Variants in MARK1 observed in about 807,000 individuals in gnomAD.
MARK1 encodes the protein microtubule affinity regulating kinase 1.
MARK1 carries 40 observed loss-of-function variants against 96.3 expected under a neutral mutation model. The observed-to-expected ratio is 0.42, with a 90% CI of 0.32 to 0.54. MARK1 has a LOEUF of 0.54. MARK1 is among the 20% of genes least tolerant of loss of function. MARK1 has a pLI of 0.16. For synonymous variants in MARK1, 317 were observed against 341.2 expected (o/e 0.93, Z 0.78); for missense variants, 719 against 984.6 (o/e 0.73, Z 3.61).
chr1:220,597,442 G>A lies in MARK1; in HGVS notation c.310-889G>A, dbSNP rs148100432. The stretch of plus-strand genomic sequence containing the variant: ...TAGCAGTCATCCTAATAGGTGTGAG[G>A]TGGTACCTCTTTGTGGCTTTGATTT... On this transcript the variant is annotated intron_variant, in intron 3 of 17. Transcript: ENST00000366917. Among the ~76,000 whole-genome samples, 229 of 152,068 alleles carry A rather than the reference G, an allele frequency of 1.5e-3. 3 individuals carry two copies. Among genetic ancestry groups the A allele is most frequent in the African/African-American group, 4.8e-3 (198 of 41,492 alleles).
chr1:220,592,570 C>G (rs1375315649), intron 3 of MARK1, among the ~76,000 whole-genome samples: 1 of 152,174 alleles, frequency 6.6e-6, no homozygotes, highest in Non-Finnish European at 1.5e-5. Flanking sequence ...GCAGAAGACC[C>G]AGTTAAGTCA....
chr1:220,639,545 T>C (rs1157633905), intron 13 of MARK1, among the ~76,000 whole-genome samples: 1 of 152,200 alleles, frequency 6.6e-6, no homozygotes, highest in African/African-American at 2.4e-5. Context: ...TATACATTTA[T>C]GTTATTGGTA....
At chr1:220,636,372 T>C (rs1667965970) in intron 13 of MARK1, among the ~76,000 whole-genome samples, 1 of 152,140 alleles carries the variant, frequency 6.6e-6, no homozygotes, top group Non-Finnish European at 1.5e-5. Context: ...ATAATTAATT[T>C]ATAAAGTTGC....
chr1:220,588,515 T>C (rs899211930), intron 3 of MARK1, among the ~76,000 whole-genome samples: 2 of 152,316 alleles, frequency 1.3e-5, no homozygotes, highest in South Asian at 2.1e-4. Context: ...TAATATATAT[T>C]CATTTAATTA....
At chr1:220,630,306 ATGT>A in intron 9 of MARK1, among the ~76,000 whole-genome samples, 1 of 152,138 alleles carries the variant, frequency 6.6e-6, no homozygotes, top group South Asian at 2.1e-4. Flanking sequence ...ATTTGTTTTG[ATGT>A]TATTGAGTTG....
intron 11 of MARK1, among the ~76,000 whole-genome samples, chr1:220,633,931 A>G (rs1368293645): frequency 6.6e-6 from 1 of 152,220 alleles, no homozygotes; most frequent in African/African-American, 2.4e-5. Context: ...AATAATTAAT[A>G]GATTTGGAGT....
At chr1:220,540,358 GT>G (rs140829962) in intron 1 of MARK1, among the ~76,000 whole-genome samples, 1 of 151,914 alleles carries the variant, frequency 6.6e-6, no homozygotes, top group South Asian at 2.1e-4. Context: ...TAAATTTTCC[GT>G]TTTTTTTCTT....
At chr1:220,553,014 T>G (rs1661973553) in intron 1 of MARK1, among the ~76,000 whole-genome samples, 2 of 152,178 alleles carry the variant, frequency 1.3e-5, no homozygotes, top group African/African-American at 4.8e-5. Context: ...ATGAGGCCAT[T>G]GGGCAAGAAT....
chr1:220,545,313 C>T (rs1661405299), intron 1 of MARK1, among the ~76,000 whole-genome samples: 1 of 152,174 alleles, frequency 6.6e-6, no homozygotes, highest in Admixed American at 6.5e-5. Flanking sequence ...GTCCTGGAGG[C>T]CGCAGAAGCT....
intron 16 of MARK1, among the ~76,000 whole-genome samples, chr1:220,656,606 C>T (rs1297646406): frequency 2.6e-5 from 4 of 152,128 alleles, no homozygotes; most frequent in Non-Finnish European, 5.9e-5. Context: ...ATTTCACTTT[C>T]AGCCTGCTCA....
At chr1:220,637,176 A>G (rs1668012033) in intron 13 of MARK1, among the ~76,000 whole-genome samples, 1 of 152,202 alleles carries the variant, frequency 6.6e-6, no homozygotes, top group African/African-American at 2.4e-5. Flanking sequence ...ATGAATCTAG[A>G]ATGTTGCTGT....
intron 3 of MARK1, among the ~76,000 whole-genome samples, chr1:220,593,695 G>A (rs1163166634): frequency 1.3e-5 from 2 of 152,080 alleles, no homozygotes; most frequent in East Asian, 1.9e-4. Flanking sequence ...AGTCTGGGGC[G>A]GGTTAGGTAG....
intron 13 of MARK1, among the ~76,000 whole-genome samples, chr1:220,645,456 T>G (rs1044927314): frequency 2.6e-5 from 4 of 152,186 alleles, no homozygotes; most frequent in Non-Finnish European, 5.9e-5. Flanking sequence ...CAGGACCAGA[T>G]GGATTTACAG....
chr1:220,651,771 A>G (rs370241574), intron 14 of MARK1, among the ~76,000 whole-genome samples: 2 of 152,150 alleles, frequency 1.3e-5, no homozygotes, highest in East Asian at 3.8e-4. Flanking sequence ...TTTTTCATAG[A>G]TGATAGTGAT....
chr1:220,584,568 T>C (rs1210751294), intron 3 of MARK1, among the ~76,000 whole-genome samples: 1 of 152,234 alleles, frequency 6.6e-6, no homozygotes, highest in South Asian at 2.1e-4. Flanking sequence ...CATTAAACTT[T>C]TGTGAGTTTT....
At chr1:220,532,954 G>A (rs1225206301) in intron 1 of MARK1, among the ~76,000 whole-genome samples, 1 of 151,768 alleles carries the variant, frequency 6.6e-6, no homozygotes, top group East Asian at 1.9e-4. Flanking sequence ...AGGCTACAGT[G>A]AGCCAAGATC....
chr1:220,613,019 A>C (rs1425779759), intron 6 of MARK1, among the ~76,000 whole-genome samples: 1 of 152,184 alleles, frequency 6.6e-6, no homozygotes, highest in East Asian at 1.9e-4. Context: ...ACTCCACCTC[A>C]ATGGAAAACA....
chr1:220,649,114 C>T (rs866345578), intron 13 of MARK1, among the ~76,000 whole-genome samples: 16 of 152,262 alleles, frequency 1.1e-4, no homozygotes, highest in African/African-American at 3.6e-4. Flanking sequence ...TTCTTTCAAA[C>T]TGTGAAATAC....
At chr1:220,659,702 G>A (rs1387994202) in intron 17 of MARK1, among the ~76,000 whole-genome samples, 1 of 152,154 alleles carries the variant, frequency 6.6e-6, no homozygotes, top group African/African-American at 2.4e-5. Flanking sequence ...TCATCTTAAG[G>A]TGGAATAGAA....
Sources: gnomAD v4.1 joint callset for allele counts (sites outside exome capture counted in the v4.1 genomes callset) on GRCh38, gnomAD v4.1.1 for gene constraint, MANE v1.5 for transcripts, NCBI Gene and HGNC (gene_info 2026-07-23, HGNC 2026-07-21) for gene names.